CNTN6: variants seen among roughly 807,000 people sequenced by gnomAD.
The protein encoded by CNTN6 is contactin 6, also known as contactin-6.
Under a neutral mutation model 122.8 loss-of-function variants are expected in CNTN6, and 137 were observed. The ratio of observed to expected loss-of-function variants is 1.12; its 90% CI spans 0.97 to 1.29. The LOEUF (loss-of-function observed/expected upper bound fraction) is 1.29, where lower values mean the gene tolerates loss of function less well. CNTN6 is among the 50% of genes most tolerant of loss of function. The pLI, the probability that CNTN6 is intolerant of heterozygous loss-of-function variation, is 0.00. For synonymous variants in CNTN6, 570 were observed against 426.0 expected, an observed-to-expected ratio of 1.34 and a Z score of -4.16; for missense variants, 1,634 against 1,223.4, an observed-to-expected ratio of 1.34 and a Z score of -5.01.
chr3:1,343,009 C>A (rs942169858), intron 11 of CNTN6, among the ~76,000 whole-genome samples: 1 of 152,084 alleles, frequency 6.6e-6, no homozygotes, highest in Non-Finnish European at 1.5e-5. Flanking sequence ...GAGAGTGAGA[C>A]CGGACACCTC....
intron 4 of CNTN6, among the ~76,000 whole-genome samples, chr3:1,243,011 C>T (rs1281388421): frequency 2.0e-5 from 3 of 152,060 alleles, no homozygotes; most frequent in African/African-American, 4.8e-5. Context: ...GAGAGTTACC[C>T]AAAGCTCGGC....
At chr3:1,285,684 C>T (rs1694211347) in intron 5 of CNTN6, among the ~76,000 whole-genome samples, 1 of 152,114 alleles carries the variant, frequency 6.6e-6, no homozygotes, top group Non-Finnish European at 1.5e-5. Flanking sequence ...TAACTAAACT[C>T]AACTAACTAT....
intron 12 of CNTN6, among the ~76,000 whole-genome samples, chr3:1,364,522 C>A (rs561278147): frequency 2.1e-4 from 31 of 150,048 alleles, no homozygotes; most frequent in African/African-American, 7.3e-4. Flanking sequence ...AAAAACAAAA[C>A]AAACAAACAA....
chr3:1,115,145 A>G (rs1235896841), intron 1 of CNTN6, among the ~76,000 whole-genome samples: 1 of 152,196 alleles, frequency 6.6e-6, no homozygotes, highest in Non-Finnish European at 1.5e-5. Flanking sequence ...AGACACATAA[A>G]TATAAATAAA....
chr3:1,148,089 T>G (rs777131033), intron 2 of CNTN6, 26 bp downstream of exon 2: 7 of 1,564,128 alleles, frequency 4.5e-6, no homozygotes, highest in Non-Finnish European at 6.2e-6. Context: ...ATTATAAGTT[T>G]TGATTGATAA....
rs1422555323 is a variant in CNTN6 at position 1,287,487 on chromosome 3, G to C, written c.455-8114G>C. On this transcript the variant is annotated intron_variant, in intron 5 of 22. Transcript: ENST00000446702. ...AATTGGGAAGAAAAAGAGAAGTCTA[G>C]TCCTCATATATTTGTATCCTATGAC... 3.3e-5 allele frequency among the ~76,000 whole-genome samples: 5 copies of C among 152,248 alleles called. No individual in the cohort carries two copies. The East Asian group carries it at 5.8e-4, about 18-fold the overall frequency.
At chr3:1,291,906 A>C (rs540537527) in intron 5 of CNTN6, among the ~76,000 whole-genome samples, 1 of 152,300 alleles carries the variant, frequency 6.6e-6, no homozygotes, top group East Asian at 1.9e-4. Flanking sequence ...CAAAAATTAA[A>C]AGCAAATTGC....
At chr3:1,223,769 T>C (rs1340639249) in intron 3 of CNTN6, among the ~76,000 whole-genome samples, 1 of 152,218 alleles carries the variant, frequency 6.6e-6, no homozygotes, top group African/African-American at 2.4e-5. Context: ...TGTAATTTAG[T>C]CTACTCTACC....
At chr3:1,203,049 A>C (rs1051568959) in intron 2 of CNTN6, among the ~76,000 whole-genome samples, 2 of 152,228 alleles carry the variant, frequency 1.3e-5, no homozygotes, top group African/African-American at 4.8e-5. Context: ...CTTGATAAGA[A>C]AGTTGACTTT....
chr3:1,333,059 TTTGA>T (rs1702541495), intron 11 of CNTN6, among the ~76,000 whole-genome samples: 1 of 152,070 alleles, frequency 6.6e-6, no homozygotes, highest in South Asian at 2.1e-4. Context: ...AAAAAGTTTA[TTTGA>T]TTGAGTATGT....
intron 2 of CNTN6, among the ~76,000 whole-genome samples, 165 bp from the exon 3 acceptor site, chr3:1,220,522 A>C (rs888616722): frequency 6.6e-6 from 1 of 152,146 alleles, no homozygotes; most frequent in African/African-American, 2.4e-5. Flanking sequence ...TTGGTTTACA[A>C]GAGAAAAAAA....
intron 12 of CNTN6, among the ~76,000 whole-genome samples, chr3:1,370,181 T>G (rs1708811171): frequency 6.6e-6 from 1 of 152,110 alleles, no homozygotes; most frequent in Non-Finnish European, 1.5e-5. Flanking sequence ...GGCCAAGTTT[T>G]TTTTTAATCT....
chr3:1,272,020 G>T (rs112202531), intron 4 of CNTN6, among the ~76,000 whole-genome samples: 1 of 152,134 alleles, frequency 6.6e-6, no homozygotes, highest in African/African-American at 2.4e-5. Context: ...TACCCATGCT[G>T]TTCTCCTGTT....
At chr3:1,263,193 A>C (rs1008437262) in intron 4 of CNTN6, among the ~76,000 whole-genome samples, 17 of 152,186 alleles carry the variant, frequency 1.1e-4, no homozygotes, top group African/African-American at 3.9e-4. Flanking sequence ...AAATTGAAAA[A>C]AAATGAAAAG....
At chr3:1,300,655 G>C (rs1697226516) in intron 7 of CNTN6, among the ~76,000 whole-genome samples, 1 of 152,020 alleles carries the variant, frequency 6.6e-6, no homozygotes, top group Non-Finnish European at 1.5e-5. Context: ...TATAGTCTTT[G>C]AACTGCTCAC....
chr3:1,154,547 A>G (rs903394989), intron 2 of CNTN6, among the ~76,000 whole-genome samples: 4 of 151,190 alleles, frequency 2.6e-5, no homozygotes, highest in African/African-American at 9.7e-5. Flanking sequence ...AGGTTCAAGC[A>G]ATTCTCCTGC....
At chr3:1,384,534 A>G (rs1453982884) in intron 19 of CNTN6, among the ~76,000 whole-genome samples, 1 of 151,940 alleles carries the variant, frequency 6.6e-6, no homozygotes, top group Non-Finnish European at 1.5e-5. Flanking sequence ...AGACAAGAAC[A>G]TTTTAAGGGA....
At chr3:1,233,461 C>T (rs769814048) in intron 4 of CNTN6, among the ~76,000 whole-genome samples, 22 of 152,150 alleles carry the variant, frequency 1.4e-4, no homozygotes, top group South Asian at 8.3e-4. Context: ...TGAAGCCAGG[C>T]GCGGTGGCTC....
intron 4 of CNTN6, among the ~76,000 whole-genome samples, chr3:1,258,837 T>C (rs2094800866): frequency 6.6e-6 from 1 of 152,108 alleles, no homozygotes; most frequent in South Asian, 2.1e-4. Context: ...GTGTCATAGA[T>C]TAGCCAAGCA....
Sources: allele counts gnomAD v4.1 joint callset (sites outside exome capture counted in the v4.1 genomes callset), GRCh38; gene constraint gnomAD v4.1.1; transcripts MANE v1.5; gene names NCBI Gene and HGNC (gene_info 2026-07-23, HGNC 2026-07-21).